Variants in GRIK1 observed in about 807,000 individuals in gnomAD.
GRIK1 encodes glutamate receptor ionotropic, kainate 1.
GRIK1 carries 69 observed loss-of-function variants against 105.7 expected under a neutral mutation model. That is an observed-to-expected ratio of 0.65 (90% CI 0.54 to 0.80). The LOEUF (loss-of-function observed/expected upper bound fraction) is 0.80, where lower values mean the gene tolerates loss of function less well. Among genes scored for constraint, GRIK1 ranks in the 30% least tolerant of loss-of-function variants. The pLI is 0.00. For missense variants in GRIK1, 1,109 were observed against 1,167.3 expected, an observed-to-expected ratio of 0.95 and a Z score of 0.73; for synonymous variants, 438 against 431.3, an observed-to-expected ratio of 1.02 and a Z score of -0.19.
rs1257268038 is a variant in GRIK1, at chr21:29,939,828, T to G, written c.-328A>C. 2 of 243,648 alleles carry G rather than the reference T, an allele frequency of 8.2e-6. No individual in the cohort carries two copies. Among genetic ancestry groups the G allele is most frequent in the Non-Finnish European group, 1.6e-5 (2 of 127,340 alleles). 15.1% of individuals were successfully genotyped at this position (243,648 alleles called of 1,614,324 possible). ...GCTGAGGAAAGTTGCTGCCCCGATCTGCAGGAACGTCTCCCTCATTCGTCC... is the reference window on the plus strand; with the variant it reads ...GCTGAGGAAAGTTGCTGCCCCGATCGGCAGGAACGTCTCCCTCATTCGTCC... On this transcript the variant is annotated 5_prime_UTR_variant, in exon 1 of 18. Coordinates refer to ENST00000327783, the MANE Select transcript of GRIK1 (RefSeq NM_001330994.2).
In GRIK1 at chr21:29,557,444, C is replaced by A. The variant is rs77490141; in HGVS notation, c.2357-2142G>T. Among the ~76,000 whole-genome samples the A allele has an allele frequency of 1.1e-3, 171 of 152,308 alleles. 4 individuals carry two copies. In the East Asian group the frequency reaches 0.029, roughly 26 times the overall value. ...CAAGAATCAAACTCAAGTTTCCTGA[C>A]TTCTTACTTTTCAGTGTTGTTTTCA... is the stretch of plus-strand genomic sequence containing the variant. On this transcript the variant is annotated intron_variant, in intron 15 of 17. Coordinates refer to ENST00000327783, the MANE Select transcript of GRIK1 (RefSeq NM_001330994.2).
chr21:29,655,981 A>C (rs770913554), intron 4 of GRIK1, among the ~76,000 whole-genome samples: 1 of 152,176 alleles, frequency 6.6e-6, no homozygotes, highest in Non-Finnish European at 1.5e-5. Context: ...TCTAAATATG[A>C]ATAAGGATAT....
intron 7 of GRIK1, among the ~76,000 whole-genome samples, chr21:29,622,103 C>T (rs2062018970): frequency 6.6e-6 from 1 of 152,038 alleles, no homozygotes. Flanking sequence ...CATGCCACCA[C>T]ACCTGGCTAA....
rs571683758 is a variant in GRIK1 at position 29,920,203 on chromosome 21, G to C, written c.118+19180C>G. Among the ~76,000 whole-genome samples, 6 of 151,466 alleles carry C rather than the reference G, an allele frequency of 4.0e-5. No individual in the cohort carries two copies. In the East Asian group the frequency reaches 1.2e-3, roughly 29 times the overall value. ...AGAGAAGTTTTAAATTTTATCTTTGGGGGAGATAGCTATTGGTTAAATAAC... is the reference window on the plus strand; with the variant it reads ...AGAGAAGTTTTAAATTTTATCTTTGCGGGAGATAGCTATTGGTTAAATAAC... On this transcript the variant is annotated intron_variant, in intron 1 of 17. Transcript: ENST00000327783.
At chr21:29,790,600 C>T (rs977606066) in intron 1 of GRIK1, among the ~76,000 whole-genome samples, 19 of 151,890 alleles carry the variant, frequency 1.3e-4, no homozygotes, top group African/African-American at 4.1e-4. Context: ...GGGCTACAGG[C>T]GTGCACCACC....
chr21:29,547,050 A>G (rs1387679851), intron 16 of GRIK1, among the ~76,000 whole-genome samples: 1 of 152,218 alleles, frequency 6.6e-6, no homozygotes, highest in African/African-American at 2.4e-5. Flanking sequence ...CTCTTTTGTG[A>G]ATTGTGAATG....
At chr21:29,856,123 GA>G (rs1231088658) in intron 1 of GRIK1, among the ~76,000 whole-genome samples, 7 of 152,154 alleles carry the variant, frequency 4.6e-5, no homozygotes, top group Admixed American at 2.6e-4. Flanking sequence ...GTTGTGGATT[GA>G]AAGTCAGCCC....
At chr21:29,759,307 C>T (rs1043549285) in intron 1 of GRIK1, among the ~76,000 whole-genome samples, 30 of 151,918 alleles carry the variant, frequency 2.0e-4, no homozygotes, top group Admixed American at 3.3e-4. Context: ...TTAGTAGAGA[C>T]GGGGTTTCAC....
At position 29,580,061 on chromosome 21, in the gene GRIK1, ATATG is replaced by A. The variant is rs1325942683; in HGVS notation, c.1912+1360_1912+1363del. On this transcript the variant is annotated intron_variant, in intron 13 of 17. Transcript: ENST00000327783. The stretch of plus-strand genomic sequence containing the variant: ...TGTATATATGTATATATGTATATAT[ATATG>A]TGTATATATATGTATATGTGTGTGT... 1.9e-3 allele frequency among the ~76,000 whole-genome samples: 277 copies of A among 145,868 alleles called. 1 individual carries two copies. The highest frequency in any genetic ancestry group is 6.6e-3 in the African/African-American group (260 of 39,466).
At chr21:29,750,349 G>A (rs2065160186) in intron 1 of GRIK1, among the ~76,000 whole-genome samples, 2 of 148,756 alleles carry the variant, frequency 1.3e-5, no homozygotes, top group Admixed American at 6.9e-5. Flanking sequence ...AACTCTGGAT[G>A]CATTCTAAAG....
intron 1 of GRIK1, among the ~76,000 whole-genome samples, chr21:29,848,821 T>C (rs1360461372): frequency 3.4e-5 from 5 of 146,478 alleles, no homozygotes; most frequent in Non-Finnish European, 7.4e-5. Flanking sequence ...CTGTTTGGTA[T>C]ACGTAAAATG....
At chr21:29,932,808 T>A (rs1167916042) in intron 1 of GRIK1, among the ~76,000 whole-genome samples, 2 of 151,954 alleles carry the variant, frequency 1.3e-5, no homozygotes, top group Non-Finnish European at 2.9e-5. Context: ...AAGAATAGGT[T>A]AAATTGTAAA....
At chr21:29,686,284 A>T (rs2063485218) in intron 3 of GRIK1, among the ~76,000 whole-genome samples, 1 of 152,230 alleles carries the variant, frequency 6.6e-6, no homozygotes, top group Admixed American at 6.5e-5. Context: ...GAGGAAAGGT[A>T]TCTGTTCCCC....
At chr21:29,816,140 G>A (rs1225410663) in intron 1 of GRIK1, among the ~76,000 whole-genome samples, 1 of 151,994 alleles carries the variant, frequency 6.6e-6, no homozygotes, top group Non-Finnish European at 1.5e-5. Flanking sequence ...CAAAGGATAC[G>A]AATAGATATT....
chr21:29,650,031 A>G (rs1385299273), intron 6 of GRIK1, among the ~76,000 whole-genome samples: 1 of 152,194 alleles, frequency 6.6e-6, no homozygotes, highest in Non-Finnish European at 1.5e-5. Flanking sequence ...ACTTGCTCCT[A>G]TTCAAAGAAA....
At chr21:29,610,795 GA>G (rs200950311) in intron 7 of GRIK1, among the ~76,000 whole-genome samples, 23 of 150,456 alleles carry the variant, frequency 1.5e-4, no homozygotes, top group South Asian at 8.4e-4. Flanking sequence ...GCCAGTAAGA[GA>G]AAAAAAAAAT....
intron 4 of GRIK1, among the ~76,000 whole-genome samples, chr21:29,660,317 G>A (rs1190465234): frequency 6.6e-6 from 1 of 152,164 alleles, no homozygotes; most frequent in Non-Finnish European, 1.5e-5. Context: ...ATGAAGTCTA[G>A]GTAAAGATGA....
At chr21:29,727,768 T>C (rs530492443) in intron 1 of GRIK1, among the ~76,000 whole-genome samples, 1 of 152,214 alleles carries the variant, frequency 6.6e-6, no homozygotes, top group African/African-American at 2.4e-5. Flanking sequence ...GGGATATAAA[T>C]AGATAGAATG....
intron 1 of GRIK1, among the ~76,000 whole-genome samples, chr21:29,799,691 G>T (rs1196516354): frequency 6.6e-6 from 1 of 152,010 alleles, no homozygotes; most frequent in Non-Finnish European, 1.5e-5. Context: ...CACCATGCCC[G>T]ACTAATTTTT....
Sources: gnomAD v4.1 joint callset for allele counts (sites outside exome capture counted in the v4.1 genomes callset) on GRCh38, gnomAD v4.1.1 for gene constraint, MANE v1.5 for transcripts, NCBI Gene and HGNC (gene_info 2026-07-23, HGNC 2026-07-21) for gene names.